The following FAF1 variants were observed in gnomAD, a reference collection of about 807,000 sequenced individuals.
FAF1 encodes the protein FAS-associated factor 1.
A neutral mutation model predicts 92.5 loss-of-function variants in FAF1; 25 were observed. That is an observed-to-expected ratio of 0.27 (90% CI 0.20 to 0.38). The LOEUF (loss-of-function observed/expected upper bound fraction) is 0.38. Ranked by LOEUF, FAF1 falls within the 10% of genes least tolerant of loss-of-function variation. The probability of loss-of-function intolerance (pLI) is 1.00; values close to 1 mark genes in which losing one functional copy is unlikely to be tolerated. For synonymous variants in FAF1, 234 were observed against 273.2 expected (o/e 0.86, Z 1.42); for missense variants, 636 against 793.3 (o/e 0.80, Z 2.38).
chr1:50,475,032 T>C (rs903138617), intron 18 of FAF1, among the ~76,000 whole-genome samples: 9 of 152,224 alleles, frequency 5.9e-5, no homozygotes, highest in African/African-American at 2.2e-4. Context: ...AGTAAGACTA[T>C]CAAATCACAA....
intron 8 of FAF1, among the ~76,000 whole-genome samples, chr1:50,605,854 T>C (rs1245981186): frequency 6.6e-6 from 1 of 152,238 alleles, no homozygotes; most frequent in Non-Finnish European, 1.5e-5. Context: ...AACCATATAG[T>C]TACTCAGAGT....
At chr1:50,641,333 A>G (rs540973904) in intron 8 of FAF1, among the ~76,000 whole-genome samples, 1 of 152,252 alleles carries the variant, frequency 6.6e-6, no homozygotes, top group South Asian at 2.1e-4. Flanking sequence ...TAAACTATGA[A>G]TTCTCCTCTA....
At position 50,750,750 on chromosome 1, in the gene FAF1, A is replaced by C. The variant is rs1049405132; in HGVS notation, c.368-5975T>G. The stretch of plus-strand genomic sequence containing the variant: ...GTGATTTTCCTGCCTCTGCCTCCCG[A>C]GTAGCTGGACTACAGGCACATCCCA... On this transcript the variant is annotated intron_variant, in intron 4 of 18. Coordinates refer to ENST00000396153, the MANE Select transcript of FAF1 (RefSeq NM_007051.3). Among the ~76,000 whole-genome samples, 36 of 150,422 alleles carry C rather than the reference A, an allele frequency of 2.4e-4. 1 individual carries two copies. The highest frequency in any genetic ancestry group is 1.8e-4 in the Non-Finnish European group (12 of 67,716).
chr1:50,843,896 C>T (rs1472999728), intron 2 of FAF1, among the ~76,000 whole-genome samples: 2 of 152,062 alleles, frequency 1.3e-5, no homozygotes, highest in African/African-American at 2.4e-5. Context: ...TGAATATATA[C>T]CCAGCTGTGA....
At chr1:50,768,906 T>G (rs1660676845) in intron 4 of FAF1, among the ~76,000 whole-genome samples, 1 of 151,594 alleles carries the variant, frequency 6.6e-6, no homozygotes. Flanking sequence ...AGAAACCAAT[T>G]ACAAAGTTAG....
At chr1:50,536,252 T>C (rs1408391521) in intron 14 of FAF1, among the ~76,000 whole-genome samples, 1 of 152,218 alleles carries the variant, frequency 6.6e-6, no homozygotes, top group Non-Finnish European at 1.5e-5. Context: ...AACAAACATA[T>C]AGCACATATG....
intron 7 of FAF1, among the ~76,000 whole-genome samples, chr1:50,694,554 GA>G (rs35983172): frequency 1.6e-3 from 212 of 130,742 alleles, no homozygotes; most frequent in African/African-American, 2.5e-3. Flanking sequence ...CTATAGCCAG[GA>G]AAAAAAAAAA....
intron 4 of FAF1, among the ~76,000 whole-genome samples, chr1:50,765,260 T>C (rs1342404610): frequency 3.3e-5 from 5 of 152,200 alleles, no homozygotes; most frequent in African/African-American, 4.8e-5. Flanking sequence ...GAAAACACTT[T>C]ACACACACTC....
At chr1:50,463,901 T>C (rs1396699954) in intron 18 of FAF1, among the ~76,000 whole-genome samples, 1 of 152,236 alleles carries the variant, frequency 6.6e-6, no homozygotes, top group Admixed American at 6.5e-5. Flanking sequence ...GGATGTTTGG[T>C]CACATTTCCA....
chr1:50,943,464 C>A (rs921783304), intron 1 of FAF1, among the ~76,000 whole-genome samples: 1 of 152,118 alleles, frequency 6.6e-6, no homozygotes. Flanking sequence ...CCTTGGCTCA[C>A]AAGAAAAAAG....
intron 18 of FAF1, among the ~76,000 whole-genome samples, chr1:50,461,006 T>C (rs2148988422): frequency 6.6e-6 from 1 of 152,348 alleles, no homozygotes; most frequent in East Asian, 1.9e-4. Context: ...CAAAGTTATG[T>C]ACCGAGTGGT....
chr1:50,578,014 G>C (rs1287893363), intron 12 of FAF1, among the ~76,000 whole-genome samples: 8 of 152,218 alleles, frequency 5.3e-5, no homozygotes. Context: ...GGCATCGTGA[G>C]AAACACTTTA....
At chr1:50,579,786 T>C (rs897442137) in intron 12 of FAF1, among the ~76,000 whole-genome samples, 1 of 152,146 alleles carries the variant, frequency 6.6e-6, no homozygotes, top group Non-Finnish European at 1.5e-5. Context: ...AGATGGTGCT[T>C]GCTTAAAAGG....
chr1:50,808,734 T>A (rs1662306331), intron 2 of FAF1, among the ~76,000 whole-genome samples: 1 of 152,132 alleles, frequency 6.6e-6, no homozygotes, highest in African/African-American at 2.4e-5. Context: ...GTATATCTGA[T>A]CTCATTAGTT....
At chr1:50,476,319 T>C (rs1038667168) in intron 17 of FAF1, among the ~76,000 whole-genome samples, 5 of 152,196 alleles carry the variant, frequency 3.3e-5, no homozygotes, top group Admixed American at 2.6e-4. Flanking sequence ...ACTTCAAATA[T>C]CAGGTTTATT....
At chr1:50,759,896 T>G (rs1056017803) in intron 4 of FAF1, among the ~76,000 whole-genome samples, 2 of 152,262 alleles carry the variant, frequency 1.3e-5, no homozygotes, top group African/African-American at 4.8e-5. Flanking sequence ...ATTTTTCTGG[T>G]AGCCAGTGAT....
chr1:50,766,778 A>ACAAG (rs1211924371), intron 4 of FAF1, among the ~76,000 whole-genome samples: 1 of 141,572 alleles, frequency 7.1e-6, no homozygotes, highest in Non-Finnish European at 1.5e-5. Flanking sequence ...AAACAAACAA[A>ACAAG]CAAGCAAGCA....
chr1:50,626,102 T>A (rs192609521), intron 8 of FAF1, among the ~76,000 whole-genome samples: 1 of 152,352 alleles, frequency 6.6e-6, no homozygotes, highest in East Asian at 1.9e-4. Flanking sequence ...GTAGGAAGAA[T>A]CTATCTGCTT....
At chr1:50,814,259 A>T (rs557553953) in intron 2 of FAF1, among the ~76,000 whole-genome samples, 2 of 152,320 alleles carry the variant, frequency 1.3e-5, no homozygotes, top group Admixed American at 1.3e-4. Flanking sequence ...TTAGCCTAAT[A>T]TTATAGCTGC....
Sources: allele counts gnomAD v4.1 joint callset (sites outside exome capture counted in the v4.1 genomes callset), GRCh38; gene constraint gnomAD v4.1.1; transcripts MANE v1.5; gene names NCBI Gene and HGNC (gene_info 2026-07-23, HGNC 2026-07-21).